The following FBXL13 variants were observed in gnomAD, a reference collection of about 807,000 sequenced individuals.
FBXL13 encodes F-box and leucine rich repeat protein 13, also known as F-box and leucine-rich repeat protein 13.
FBXL13 carries 67 observed loss-of-function variants against 83.6 expected under a neutral mutation model. That is an observed-to-expected ratio of 0.80 (90% confidence interval 0.66 to 0.98). The LOEUF (loss-of-function observed/expected upper bound fraction) is 0.98, where lower values mean the gene tolerates loss of function less well. Among genes scored for constraint, FBXL13 ranks in the 50% least tolerant of loss-of-function variants. FBXL13 has a pLI of 0.00. For synonymous variants in FBXL13, 272 were observed against 299.5 expected (o/e 0.91, Z 0.95); for missense variants, 822 against 866.5 (o/e 0.95, Z 0.64).
intron 16 of FBXL13, among the ~76,000 whole-genome samples, chr7:102,861,371 T>C (rs1806810398): frequency 1.3e-5 from 2 of 152,112 alleles, no homozygotes; most frequent in South Asian, 4.1e-4. Flanking sequence ...TGTCTCACAT[T>C]CTGGATTTTT....
At chr7:102,939,471 A>G in intron 8 of FBXL13, 1 of 1,613,722 alleles carries the variant, frequency 6.2e-7, no homozygotes, top group African/African-American at 1.3e-5. Flanking sequence ...AGATATTGTT[A>G]AACTTGACTT....
intron 19 of FBXL13, among the ~76,000 whole-genome samples, chr7:102,815,038 T>G (rs1028644126): frequency 6.6e-6 from 1 of 152,200 alleles, no homozygotes; most frequent in African/African-American, 2.4e-5. Context: ...TAAGACTTAC[T>G]GAAATATAAT....
At chr7:102,907,132 C>T (rs1813885765) in intron 11 of FBXL13, among the ~76,000 whole-genome samples, 1 of 152,150 alleles carries the variant, frequency 6.6e-6, no homozygotes, top group Admixed American at 6.5e-5. Flanking sequence ...ACCACCACGT[C>T]TGGCTAATTT....
At chr7:103,053,125 T>C (rs955252897) in intron 2 of FBXL13, among the ~76,000 whole-genome samples, 3 of 151,790 alleles carry the variant, frequency 2.0e-5, no homozygotes, top group East Asian at 1.9e-4. Context: ...TCTCTACAGG[T>C]TTTTTGTTTG....
At chr7:102,985,910 GGTGA>G (rs1004200949) in intron 6 of FBXL13, among the ~76,000 whole-genome samples, 1 of 152,016 alleles carries the variant, frequency 6.6e-6, no homozygotes, top group Admixed American at 6.5e-5. Context: ...TCATAAAATG[GGTGA>G]GTATGAACAA....
intron 8 of FBXL13, among the ~76,000 whole-genome samples, chr7:102,962,040 T>C (rs1825298984): frequency 6.7e-6 from 1 of 150,084 alleles, no homozygotes; most frequent in Non-Finnish European, 1.5e-5. Context: ...ACCATCAGAG[T>C]GAACAGGCAA....
rs1376596622 is a variant in FBXL13 at position 103,027,559 on chromosome 7, C to A, written c.218-1G>T. On this transcript the variant is annotated splice_acceptor_variant, in intron 4 of 19. Transcript: ENST00000313221. LOFTEE classifies it high-confidence loss of function. ...ATCTGTTGTATCCGCAATAGAATATCTGAAGGAAATTTACTAGATTACTGT... is the reference window on the plus strand; with the variant it reads ...ATCTGTTGTATCCGCAATAGAATATATGAAGGAAATTTACTAGATTACTGT... The A allele has an allele frequency of 1.3e-6, 2 of 1,582,510 alleles. No homozygotes were observed. Among genetic ancestry groups the A allele is most frequent in the African/African-American group, 1.4e-5 (1 of 74,022 alleles).
intron 8 of FBXL13, among the ~76,000 whole-genome samples, chr7:102,939,118 G>A (rs1563122272): frequency 6.6e-6 from 1 of 152,198 alleles, no homozygotes; most frequent in African/African-American, 2.4e-5. Flanking sequence ...CTGATAAACA[G>A]GCTGCTTTCT....
chr7:102,926,398 G>A, intron 9 of FBXL13, 24 bp from the exon 11 acceptor site: 1 of 1,574,446 alleles, frequency 6.4e-7, no homozygotes, highest in Admixed American at 1.7e-5. Flanking sequence ...AGAGGGAAGA[G>A]GCTTATCAAA....
At position 102,894,016 on chromosome 7, in the gene FBXL13, G is replaced by GAAAGA. The variant is rs1274659375; in HGVS notation, c.1009-9709_1009-9705dup. ...AAGAAAGAGGAAAGAAAAGAAAGAGGAAAGAAAAGAAAAGAAAGAGACAAA... is the reference window on the plus strand; with the variant it reads ...AAGAAAGAGGAAAGAAAAGAAAGAGGAAAGAAAAGAAAAGAAAAGAAAGAGACAAA... On this transcript the variant is annotated intron_variant, in intron 11 of 19. Transcript: ENST00000313221. Among the ~76,000 whole-genome samples the GAAAGA allele has an allele frequency of 8.6e-5, 13 of 151,236 alleles. No homozygotes were observed. The South Asian group carries it at 1.9e-3, about 22-fold the overall frequency.
intron 10 of FBXL13, among the ~76,000 whole-genome samples, chr7:102,915,124 T>TA (rs778077563): frequency 1.3e-4 from 18 of 137,846 alleles, no homozygotes; most frequent in African/African-American, 5.0e-4. Context: ...ATTAAAATAT[T>TA]TTTTTTTTTT....
chr7:102,948,712 AC>A (rs1226139902), intron 8 of FBXL13, among the ~76,000 whole-genome samples: 1 of 147,946 alleles, frequency 6.8e-6, no homozygotes, highest in East Asian at 2.0e-4. Context: ...GTGAGCCACC[AC>A]GCCCAGCCTT....
chr7:103,055,582 T>C, intron 2 of FBXL13, 62 bp downstream of exon 2: 2 of 664,898 alleles, frequency 3.0e-6, no homozygotes, highest in African/African-American at 1.9e-5. Flanking sequence ...TTTGTTACTA[T>C]GCAATAAAAG....
intron 6 of FBXL13, among the ~76,000 whole-genome samples, chr7:103,015,576 T>A (rs1477365314): frequency 6.6e-6 from 1 of 152,034 alleles, no homozygotes; most frequent in East Asian, 1.9e-4. Context: ...GGCAGGTAGA[T>A]CACTTGAGAC....
At chr7:103,053,003 C>T (rs897393702) in intron 2 of FBXL13, among the ~76,000 whole-genome samples, 12 of 150,196 alleles carry the variant, frequency 8.0e-5, no homozygotes, top group Admixed American at 4.6e-4. Context: ...GTGATCCACC[C>T]GCCTCAGCCT....
intron 6 of FBXL13, among the ~76,000 whole-genome samples, chr7:103,003,278 GTTTTTTTTTTT>G (rs563726626): frequency 5.3e-5 from 4 of 75,916 alleles, no homozygotes; most frequent in African/African-American, 2.0e-4. Flanking sequence ...TTGTTTTGGG[GTTTTTTTTTTT>G]TTTTTTTTTT....
chr7:103,021,540 A>C (rs1477679939), intron 6 of FBXL13, among the ~76,000 whole-genome samples: 1 of 152,256 alleles, frequency 6.6e-6, no homozygotes, highest in African/African-American at 2.4e-5. Context: ...ATCAGAGTGA[A>C]CAGGCAACCT....
At chr7:102,830,550 A>G (rs1402361305) in intron 18 of FBXL13, among the ~76,000 whole-genome samples, 2 of 152,226 alleles carry the variant, frequency 1.3e-5, no homozygotes, top group East Asian at 3.8e-4. Context: ...GTTCTAAACA[A>G]GTATATTATT....
At chr7:102,937,321 G>T (rs1452021399) in intron 8 of FBXL13, among the ~76,000 whole-genome samples, 1 of 141,320 alleles carries the variant, frequency 7.1e-6, no homozygotes, top group African/African-American at 2.7e-5. Context: ...CCAAAAAGTT[G>T]AAACCCCATC....
Sources: gnomAD v4.1 joint callset for allele counts (sites outside exome capture counted in the v4.1 genomes callset) on GRCh38, gnomAD v4.1.1 for gene constraint, MANE v1.5 for transcripts, NCBI Gene and HGNC (gene_info 2026-07-23, HGNC 2026-07-21) for gene names.